The following SYT3 variants were observed in gnomAD, a reference collection of about 807,000 sequenced individuals.
The protein encoded by SYT3 is synaptotagmin 3.
In SYT3, 25 loss-of-function variants were observed where a neutral mutation model predicts 50.6. The ratio of observed to expected loss-of-function variants is 0.49; its 90% CI spans 0.36 to 0.69. SYT3 has a LOEUF of 0.69. SYT3 is among the 30% of genes least tolerant of loss of function. The pLI, the probability that SYT3 is intolerant of heterozygous loss-of-function variation, is 0.00. For synonymous variants in SYT3, 323 were observed against 353.9 expected, an observed-to-expected ratio of 0.91 and a Z score of 0.98; for missense variants, 589 against 793.6, an observed-to-expected ratio of 0.74 and a Z score of 3.10.
At position 50,626,277 on chromosome 19, in the gene SYT3, GAGA is replaced by G. The variant is rs1299506270; in HGVS notation, c.1282-263_1282-261del. The G allele has an allele frequency of 7.0e-6, 3 of 426,868 alleles. No individual in the cohort carries two copies. The Admixed American group carries it at 1.1e-4, about 16-fold the overall frequency. 26.4% of individuals were successfully genotyped at this position (426,868 alleles called of 1,614,324 possible). A position where few individuals can be genotyped will look rare whatever the true frequency, so the allele number is the denominator to read the frequency against. On this transcript the variant is annotated intron_variant, in intron 6 of 10. Coordinates refer to ENST00000600079, the MANE Select transcript of SYT3 (RefSeq NM_001160329.2). ...GGAGAGAGAGAGGAGGGGAGAGACA[GAGA>G]AGGTGAGAGAGAGAGAAAACACAAA...
At chr19:50,642,923 A>T (rs1984703210), upstream of SYT3, among the ~76,000 whole-genome samples, 1 of 152,250 alleles carries the variant, frequency 6.6e-6, no homozygotes, top group South Asian at 2.1e-4. Context: ...CTTAGGAAAA[A>T]TGGCTAGTGT....
chr19:50,630,445 G>A lies in SYT3; in HGVS notation c.675-274C>T, dbSNP rs535982384. On this transcript the variant is annotated intron_variant, in intron 4 of 10. Transcript: ENST00000600079. ...TCCTTCTTTCCTTTTCTTTTGAGACGAAGTTTTGCTCTTGTCACCCAGGCT... is the reference window on the plus strand; with the variant it reads ...TCCTTCTTTCCTTTTCTTTTGAGACAAAGTTTTGCTCTTGTCACCCAGGCT... 1.3e-4 allele frequency among the ~76,000 whole-genome samples: 18 copies of A among 137,554 alleles called. 1 individual carries two copies. In the East Asian group the frequency reaches 1.8e-3, roughly 14 times the overall value. The allele number at this position is 137,554 out of a possible 152,430, so 90.2% of individuals were successfully genotyped here. A position where few individuals can be genotyped will look rare whatever the true frequency, so the allele number is the denominator to read the frequency against.
chr19:50,635,705 A>AG lies in SYT3; in HGVS notation c.148+1558dup, dbSNP rs1346840406. ...ACTAAAGTCAGCCACACCAGCAATC[A>AG]GTCACGTATATGAGGCCGACCCCCA... is the stretch of plus-strand genomic sequence containing the variant. On this transcript the variant is annotated intron_variant, in intron 3 of 10. Transcript: ENST00000600079. Among the ~76,000 whole-genome samples, 7 of 152,176 alleles carry AG rather than the reference A, an allele frequency of 4.6e-5. No individual in the cohort carries two copies. The East Asian group carries it at 1.3e-3, about 29-fold the overall frequency.
At chr19:50,649,497 T>C in the SYT3 span, 2 of 1,536,156 alleles carry the variant, frequency 1.3e-6, no homozygotes, top group Non-Finnish European at 8.7e-7. Context: ...AGCCCCACCA[T>C]GCACAGGAAG....
the SYT3 span, chr19:50,656,116 A>G: frequency 2.6e-6 from 4 of 1,536,098 alleles, no homozygotes; most frequent in South Asian, 1.2e-5. Flanking sequence ...AGGCCCATCA[A>G]ATCCTCGTGA....
chr19:50,631,790 C>A (rs1984315676), intron 4 of SYT3, among the ~76,000 whole-genome samples: 1 of 152,090 alleles, frequency 6.6e-6, no homozygotes, highest in Non-Finnish European at 1.5e-5. Flanking sequence ...GGTCGCCTCC[C>A]CTGCGCTGTG....
the SYT3 span, among the ~76,000 whole-genome samples, chr19:50,654,594 G>C: frequency 6.7e-6 from 1 of 149,564 alleles, no homozygotes; most frequent in African/African-American, 2.5e-5. Flanking sequence ...ACTGCACCAG[G>C]CTCCGTCCCT....
At chr19:50,628,846 C>T (rs1225100480) in intron 6 of SYT3, among the ~76,000 whole-genome samples, 9 of 137,858 alleles carry the variant, frequency 6.5e-5, no homozygotes, top group African/African-American at 8.2e-5. Context: ...TTTTTTGAGA[C>T]GGAGTTTCGC....
rs2123025078 is a variant in SYT3 at position 50,639,068 on chromosome 19, G to A, written c.-59C>T. 6.5e-6 allele frequency: 1 copy of A among 153,672 alleles called. No homozygotes were observed. Among genetic ancestry groups the A allele is most frequent in the African/African-American group, 2.4e-5 (1 of 41,576 alleles). 9.5% of individuals were successfully genotyped at this position (153,672 alleles called of 1,614,324 possible). A position where few individuals can be genotyped will look rare whatever the true frequency, so the allele number is the denominator to read the frequency against. On this transcript the variant is annotated 5_prime_UTR_variant, in exon 2 of 11. Transcript: ENST00000600079. This position sits in a 1 kb window ranked among gnomAD's most constrained non-coding sequence, Gnocchi z 4.6. Reference sequence around the variant, plus strand: ...TGTCCTGGGTGGCAGCCGAGGCGGCGGCGGGCGGCAGCCCATGGGGGTTCT... The same window carrying A: ...TGTCCTGGGTGGCAGCCGAGGCGGCAGCGGGCGGCAGCCCATGGGGGTTCT...
At chr19:50,649,101 C>T in the SYT3 span, among the ~76,000 whole-genome samples, 1 of 67,710 alleles carries the variant, frequency 1.5e-5, no homozygotes, top group Non-Finnish European at 2.8e-5. Context: ...GTGGTGGAGA[C>T]GTGGGGACAG....
In SYT3 at chr19:50,632,275, T is replaced by A; in HGVS notation, c.674+11A>T. On this transcript the variant is annotated intron_variant, in intron 4 of 10. Transcript: ENST00000600079. This position sits in a 1 kb window ranked among gnomAD's most constrained non-coding sequence, Gnocchi z 4.7. ...TTCAGAGTGGACCCCCAACCCAGTATCCTCTCTCACCTGGTAGTGGGTGCC... is the reference window on the plus strand; with the variant it reads ...TTCAGAGTGGACCCCCAACCCAGTAACCTCTCTCACCTGGTAGTGGGTGCC... The A allele has an allele frequency of 6.5e-7, 1 of 1,548,256 alleles. No homozygotes were observed. The highest frequency in any genetic ancestry group is 8.8e-7 in the Non-Finnish European group (1 of 1,142,042).
chr19:50,629,244 G>C, intron 6 of SYT3, 50 bp downstream of exon 6: 2 of 1,471,586 alleles, frequency 1.4e-6, no homozygotes, highest in Non-Finnish European at 1.8e-6. Context: ...TGCAACCCGG[G>C]GGGTCTCAGG....
chr19:50,625,586 G>A lies in SYT3; in HGVS notation c.1403-22C>T, dbSNP rs1314296388. ...GGGTCTGGGAACAGCAATGAAGTAA[G>A]GAACAGAGACTCACTCCCTCAGACC... On this transcript the variant is annotated intron_variant, in intron 7 of 10. Coordinates refer to ENST00000600079, the MANE Select transcript of SYT3 (RefSeq NM_001160329.2). The surrounding 1 kb of genome is among the most constrained non-coding windows in gnomAD (Gnocchi z 7.5). 1.9e-6 allele frequency: 3 copies of A among 1,555,300 alleles called. No individual in the cohort carries two copies. The East Asian group carries it at 6.8e-5, about 35-fold the overall frequency.
chr19:50,649,654 T>A, the SYT3 span: 2 of 952,768 alleles, frequency 2.1e-6, no homozygotes, highest in African/African-American at 1.6e-5. Context: ...ATTCACCAGA[T>A]TCCTGGAGAG....
chr19:50,633,522 C>A (rs1246609350), intron 3 of SYT3, among the ~76,000 whole-genome samples: 1 of 152,208 alleles, frequency 6.6e-6, no homozygotes, highest in Non-Finnish European at 1.5e-5. Flanking sequence ...ATGGACCCTG[C>A]ACGACACAGT....
Position 50,625,121 on chromosome 19 carries a change from C to T in SYT3, c.1707+41G>A. ...TGCATGGATGAAGGGGCCGAGGGTG[C>T]ACGGGTGCTTGTCAGGGGTCGGTGT... On this transcript the variant is annotated intron_variant, in intron 9 of 10. Coordinates refer to ENST00000600079, the MANE Select transcript of SYT3 (RefSeq NM_001160329.2). This position sits in a 1 kb window ranked among gnomAD's most constrained non-coding sequence, Gnocchi z 7.5. 1 of 1,526,388 alleles carries T rather than the reference C, an allele frequency of 6.6e-7. No homozygotes were observed. Among genetic ancestry groups the T allele is most frequent in the East Asian group, 2.3e-5 (1 of 43,284 alleles). The allele number at this position is 1,526,388 out of a possible 1,614,324, so 94.6% of individuals were successfully genotyped here.
At chr19:50,654,646 CT>C in the SYT3 span, among the ~76,000 whole-genome samples, 3 of 137,514 alleles carry the variant, frequency 2.2e-5, no homozygotes, top group African/African-American at 8.0e-5. Context: ...CTCTTTCTGT[CT>C]CTCTTTCTCC....
chr19:50,655,764 T>C, the SYT3 span, among the ~76,000 whole-genome samples: 1 of 152,114 alleles, frequency 6.6e-6, no homozygotes, highest in African/African-American at 2.4e-5. Context: ...AAGGAGCAAG[T>C]TCCTCCTGCT....
rs944196936 is a variant in SYT3 at position 50,637,969 on chromosome 19, G to C, written c.-15-543C>G. On this transcript the variant is annotated intron_variant, in intron 2 of 10. Coordinates refer to ENST00000600079, the MANE Select transcript of SYT3 (RefSeq NM_001160329.2). The surrounding 1 kb of genome is among the most constrained non-coding windows in gnomAD (Gnocchi z 4.9). ...CGCCCTACGTGCTGTGCTGGTTGCTGCGAATCCAGCAGAGAACAAGGTCCT... is the reference window on the plus strand; with the variant it reads ...CGCCCTACGTGCTGTGCTGGTTGCTCCGAATCCAGCAGAGAACAAGGTCCT... 1.9e-4 allele frequency: 29 copies of C among 152,700 alleles called. No homozygotes were observed. Among genetic ancestry groups the C allele is most frequent in the African/African-American group, 7.0e-4 (29 of 41,532 alleles). 9.5% of individuals were successfully genotyped at this position (152,700 alleles called of 1,614,324 possible). A position where few individuals can be genotyped will look rare whatever the true frequency, so the allele number is the denominator to read the frequency against.
Sources: gnomAD v4.1 joint callset for allele counts (sites outside exome capture counted in the v4.1 genomes callset) on GRCh38, gnomAD v4.1.1 for gene constraint, Gnocchi (gnomAD v3.1) non-coding constraint, MANE v1.5 for transcripts, NCBI Gene and HGNC (gene_info 2026-07-23, HGNC 2026-07-21) for gene names.